STK3: variants seen among roughly 807,000 people sequenced by gnomAD.
STK3 encodes serine/threonine kinase 3, also known as serine/threonine-protein kinase 3.
In STK3, 41 loss-of-function variants were observed where a neutral mutation model predicts 58.0. That is an observed-to-expected ratio of 0.71 (90% CI 0.55 to 0.92). The LOEUF is 0.92. Ranked by LOEUF, STK3 falls within the 40% of genes least tolerant of loss-of-function variation. The pLI, the probability that STK3 is intolerant of heterozygous loss-of-function variation, is 0.00. For missense variants in STK3, 479 were observed against 602.7 expected (o/e 0.79, Z 2.15); for synonymous variants, 170 against 191.0 (o/e 0.89, Z 0.91).
At chr8:98,442,533 TAAG>T (rs1004653739) in intron 1 of STK3, among the ~76,000 whole-genome samples, 44 of 152,224 alleles carry the variant, frequency 2.9e-4, no homozygotes, top group African/African-American at 9.6e-4. Flanking sequence ...AGTGTAGGAA[TAAG>T]GACAGAGCAG....
At chr8:98,680,889 T>A (rs960406690) in intron 6 of STK3, among the ~76,000 whole-genome samples, 2 of 151,960 alleles carry the variant, frequency 1.3e-5, no homozygotes, top group African/African-American at 4.8e-5. Context: ...AAAAAGAAAC[T>A]GAACAAAAGA....
At chr8:98,410,290 G>A (rs555810051) in intron 3 of STK3, among the ~76,000 whole-genome samples, 209 of 152,202 alleles carry the variant, frequency 1.4e-3, no homozygotes, top group Non-Finnish European at 2.5e-3. Flanking sequence ...TCATGTGAAC[G>A]CCGTCCTCTC....
Position 98,928,677 on chromosome 8 carries a change from ATTCTT to A in STK3, c.-79+13696_-79+13700del, listed in dbSNP as rs142558601. 3.5e-3 allele frequency among the ~76,000 whole-genome samples: 528 copies of A among 152,348 alleles called. 4 individuals carry two copies. The highest frequency in any genetic ancestry group is 0.012 in the African/African-American group (505 of 41,580). On this transcript the variant is annotated intron_variant, in intron 1 of 1. Coordinates refer to the STK3 transcript ENST00000519420. ...AGTAAGTGCTCATTAACCAAGCACCATTCTTTTCTTCTCTTCTTGGCTTTCCAAAG... is the reference window on the plus strand; with the variant it reads ...AGTAAGTGCTCATTAACCAAGCACCATTCTTCTCTTCTTGGCTTTCCAAAG...
rs191895218 is a variant in STK3 at position 98,893,988 on chromosome 8, A to G, written c.-78-10154T>C. 4.5e-3 allele frequency among the ~76,000 whole-genome samples: 683 copies of G among 152,346 alleles called. 3 individuals are homozygous for G. Among genetic ancestry groups the G allele is most frequent in the Admixed American group, 5.8e-3 (89 of 15,308 alleles). On this transcript the variant is annotated intron_variant, in intron 1 of 1. Coordinates refer to the STK3 transcript ENST00000519420. ...GTATACCCTTTTACCTATAATCAGT[A>G]TAGCGGAAGGATAAGATGTAAAATG... is the stretch of plus-strand genomic sequence containing the variant.
intron 1 of STK3, among the ~76,000 whole-genome samples, chr8:98,787,167 C>CA (rs35568354): frequency 0.016 from 356 of 22,690 alleles, 85 homozygotes; most frequent in African/African-American, 0.028. Context: ...GACTCCACCT[C>CA]AAAAAAAAAA....
chr8:98,766,378 G>T (rs1830947642), intron 3 of STK3, among the ~76,000 whole-genome samples: 1 of 152,156 alleles, frequency 6.6e-6, no homozygotes, highest in Non-Finnish European at 1.5e-5. Flanking sequence ...ATTAGTAAAA[G>T]TGATTACATA....
chr8:98,805,957 G>GCA (rs1008228112), intron 1 of STK3, among the ~76,000 whole-genome samples: 6 of 151,982 alleles, frequency 3.9e-5, no homozygotes, highest in African/African-American at 1.5e-4. Context: ...ATCCACACAA[G>GCA]CACACACACA....
intron 10 of STK3, among the ~76,000 whole-genome samples, chr8:98,477,337 A>G (rs1254449220): frequency 6.6e-6 from 1 of 152,074 alleles, no homozygotes; most frequent in Non-Finnish European, 1.5e-5. Context: ...TGATCTATCT[A>G]TGTCAATCTA....
intron 3 of STK3, among the ~76,000 whole-genome samples, chr8:98,864,362 G>T (rs896476089): frequency 6.6e-6 from 1 of 152,038 alleles, no homozygotes. Flanking sequence ...GGGGATGGTG[G>T]AATACAAAAC....
At chr8:98,664,790 C>G (rs916778750) in intron 6 of STK3, among the ~76,000 whole-genome samples, 2 of 152,028 alleles carry the variant, frequency 1.3e-5, no homozygotes, top group African/African-American at 2.4e-5. Flanking sequence ...ATCCCAGCTA[C>G]TTGGGAGGCT....
intron 10 of STK3, among the ~76,000 whole-genome samples, chr8:98,462,762 C>T (rs997310779): frequency 1.3e-5 from 2 of 152,138 alleles, no homozygotes; most frequent in African/African-American, 4.8e-5. Context: ...ACCTTTCTCT[C>T]GTATCTCCTT....
At chr8:98,407,266 G>T (rs1257084077) in intron 3 of STK3, among the ~76,000 whole-genome samples, 4 of 152,226 alleles carry the variant, frequency 2.6e-5, no homozygotes, top group African/African-American at 9.6e-5. Context: ...GGAAGAGGCG[G>T]CCACAGTGGT....
intron 1 of STK3, among the ~76,000 whole-genome samples, chr8:98,441,622 T>C (rs915784589): frequency 2.0e-5 from 3 of 152,242 alleles, no homozygotes; most frequent in Admixed American, 6.5e-5. Flanking sequence ...ACTCAGTAGT[T>C]ACTGACTACA....
chr8:98,875,352 C>T (rs1247159188), intron 3 of STK3: 2 of 152,172 alleles, frequency 1.3e-5, no homozygotes, highest in East Asian at 3.8e-4. Context: ...GTTGGAGCTC[C>T]AGCTCATCCC....
At chr8:98,720,950 T>A in intron 4 of STK3, 1 of 298,564 alleles carries the variant, frequency 3.3e-6, no homozygotes, top group Non-Finnish European at 4.9e-6. Context: ...AAAAAAATCA[T>A]CCCTGAATAT....
chr8:98,676,307 G>A (rs994906249), intron 6 of STK3, among the ~76,000 whole-genome samples: 6 of 152,210 alleles, frequency 3.9e-5, no homozygotes, highest in African/African-American at 1.4e-4. Context: ...AGAGTAATAC[G>A]AAAGTATTTA....
At chr8:98,615,470 T>C (rs1267084288) in intron 6 of STK3, among the ~76,000 whole-genome samples, 1 of 150,516 alleles carries the variant, frequency 6.6e-6, no homozygotes, top group African/African-American at 2.4e-5. Flanking sequence ...AGAATGACTT[T>C]GACGAGCTGA....
chr8:98,423,775 C>G (rs1818197836), intron 3 of STK3, among the ~76,000 whole-genome samples: 2 of 152,226 alleles, frequency 1.3e-5, no homozygotes, highest in Non-Finnish European at 2.9e-5. Context: ...GCCCCCTCGC[C>G]TGTCAGGGGG....
At chr8:98,647,292 C>T (rs912329205) in intron 6 of STK3, among the ~76,000 whole-genome samples, 1 of 152,170 alleles carries the variant, frequency 6.6e-6, no homozygotes, top group Admixed American at 6.6e-5. Context: ...AATTTGTCCA[C>T]CAAAACTCCC....
Sources: gnomAD v4.1 joint callset for allele counts (sites outside exome capture counted in the v4.1 genomes callset) on GRCh38, gnomAD v4.1.1 for gene constraint, MANE v1.5 for transcripts, NCBI Gene and HGNC (gene_info 2026-07-23, HGNC 2026-07-21) for gene names.